SDC2: variants seen among roughly 807,000 people sequenced by gnomAD.
SDC2 encodes syndecan 2, also known as syndecan-2.
In SDC2, 13 loss-of-function variants were observed where a neutral mutation model predicts 22.2. That is an observed-to-expected ratio of 0.59 (90% confidence interval 0.38 to 0.93). The LOEUF is 0.93. Ranked by LOEUF, SDC2 falls within the 40% of genes least tolerant of loss-of-function variation. The pLI is 0.00. For missense variants in SDC2, 235 were observed against 246.8 expected (o/e 0.95, Z 0.32); for synonymous variants, 94 against 92.8 (o/e 1.01, Z -0.07).
chr8:96,605,482 C>T (rs1207760569), intron 3 of SDC2, among the ~76,000 whole-genome samples: 1 of 152,170 alleles, frequency 6.6e-6, no homozygotes, highest in Non-Finnish European at 1.5e-5. Context: ...AAAATCTCAG[C>T]AAAAATACTG....
chr8:96,565,097 T>TTTTTTTTTTTTTTTTG (rs1329448270), intron 1 of SDC2, among the ~76,000 whole-genome samples: 4 of 128,664 alleles, frequency 3.1e-5, no homozygotes, highest in African/African-American at 1.3e-4. Flanking sequence ...TTTTTTTTTT[T>TTTTTTTTTTTTTTTTG]TTGTTGAGAT....
intron 1 of SDC2, among the ~76,000 whole-genome samples, chr8:96,508,391 G>A (rs1434871739): frequency 2.0e-5 from 3 of 151,288 alleles, no homozygotes; most frequent in African/African-American, 4.9e-5. Flanking sequence ...TCCTCAGGAG[G>A]CTGAGGCGGC....
intron 1 of SDC2, among the ~76,000 whole-genome samples, chr8:96,545,959 C>T (rs1044904080): frequency 1.3e-5 from 2 of 152,190 alleles, no homozygotes; most frequent in African/African-American, 4.8e-5. Context: ...CTGCATAATC[C>T]CCTGAGGTGA....
At chr8:96,546,753 G>A (rs1460575779) in intron 1 of SDC2, among the ~76,000 whole-genome samples, 1 of 152,154 alleles carries the variant, frequency 6.6e-6, no homozygotes, top group Admixed American at 6.5e-5. Context: ...GGAGAAAGCG[G>A]GTGTATGAAA....
At chr8:96,518,863 C>T (rs186326855) in intron 1 of SDC2, among the ~76,000 whole-genome samples, 8 of 152,260 alleles carry the variant, frequency 5.3e-5, no homozygotes, top group Non-Finnish European at 1.2e-4. Flanking sequence ...TTTGAACTGA[C>T]GTCTGGCACA....
chr8:96,608,510 A>C, intron 4 of SDC2, 40 bp downstream of exon 4: 1 of 1,573,750 alleles, frequency 6.4e-7, no homozygotes, highest in Non-Finnish European at 8.6e-7. Context: ...GGGTGCCTAC[A>C]TAGGCCTCTG....
chr8:96,583,053 AGT>A (rs1814615463), intron 1 of SDC2, among the ~76,000 whole-genome samples: 1 of 115,416 alleles, frequency 8.7e-6, no homozygotes, highest in Non-Finnish European at 1.7e-5. Flanking sequence ...ATTTTTCTGA[AGT>A]GTGATTTTTT....
chr8:96,580,130 C>T (rs757671462), intron 1 of SDC2, among the ~76,000 whole-genome samples: 7 of 152,214 alleles, frequency 4.6e-5, no homozygotes, highest in Non-Finnish European at 1.0e-4. Context: ...AATGTGACCA[C>T]TTGAACGGAT....
At chr8:96,541,373 G>A (rs866224525) in intron 1 of SDC2, among the ~76,000 whole-genome samples, 5 of 151,888 alleles carry the variant, frequency 3.3e-5, no homozygotes, top group Non-Finnish European at 5.9e-5. Context: ...TGGACATGGC[G>A]GTGTGCACCT....
At chr8:96,603,170 T>C (rs953777506) in intron 3 of SDC2, among the ~76,000 whole-genome samples, 7 of 152,198 alleles carry the variant, frequency 4.6e-5, no homozygotes, top group Non-Finnish European at 1.0e-4. Flanking sequence ...CATCCACTAA[T>C]AGGTAACCCA....
rs139238124 is a variant in SDC2 at position 96,559,788 on chromosome 8, G to C, written c.61-33692G>C. Among the ~76,000 whole-genome samples, 222 of 152,254 alleles carry C rather than the reference G, an allele frequency of 1.5e-3. 5 individuals carry two copies. In the East Asian group the frequency reaches 0.037, roughly 25 times the overall value. ...TCTAACCAAGTGTGGAATCCATCCA[G>C]GAATAGTAAGCCAGCTTTTCTCTTC... On this transcript the variant is annotated intron_variant, in intron 1 of 4. Coordinates refer to ENST00000302190, the MANE Select transcript of SDC2 (RefSeq NM_002998.4).
chr8:96,588,911 A>T (rs762093179), intron 1 of SDC2, among the ~76,000 whole-genome samples: 1 of 152,236 alleles, frequency 6.6e-6, no homozygotes, highest in Non-Finnish European at 1.5e-5. Context: ...AGTTTGAAAC[A>T]TGGTATTTGT....
intron 1 of SDC2, among the ~76,000 whole-genome samples, chr8:96,535,531 G>A (rs962108817): frequency 7.2e-5 from 11 of 152,158 alleles, no homozygotes; most frequent in African/African-American, 2.4e-4. Flanking sequence ...ATTTCCTAAG[G>A]CCCTGTTTTG....
intron 1 of SDC2, among the ~76,000 whole-genome samples, chr8:96,531,301 C>G (rs568693527): frequency 6.6e-6 from 1 of 152,162 alleles, no homozygotes; most frequent in African/African-American, 2.4e-5. Context: ...TTATGTTGTT[C>G]TTACAGTACA....
At chr8:96,600,884 C>A (rs1317963423) in intron 2 of SDC2, among the ~76,000 whole-genome samples, 2 of 151,960 alleles carry the variant, frequency 1.3e-5, no homozygotes, top group Non-Finnish European at 2.9e-5. Flanking sequence ...TGGTAAAAGC[C>A]GATGATGTAA....
intron 1 of SDC2, among the ~76,000 whole-genome samples, chr8:96,568,579 AG>A (rs1398356650): frequency 6.6e-6 from 1 of 152,242 alleles, no homozygotes; most frequent in African/African-American, 2.4e-5. Flanking sequence ...CTTGATTTAT[AG>A]GTAGAAATAA....
Position 96,608,372 on chromosome 8 carries a change from C to G in SDC2, c.344C>G (p.Ser115Cys), listed in dbSNP as rs777002637. 1 of 1,613,746 alleles carries G rather than the reference C, an allele frequency of 6.2e-7. No individual in the cohort carries two copies. Among genetic ancestry groups the G allele is most frequent in the Non-Finnish European group, 8.5e-7 (1 of 1,179,814 alleles). The change falls in exon 4 of 5, where the codon TCT (serine) becomes TGT (cysteine). Residue 115 changes from serine (S) to cysteine (C), a missense_variant. Ser to Cys is a moderately radical substitution (Grantham distance 112, BLOSUM62 -1). Coordinates refer to ENST00000302190, the MANE Select transcript of SDC2 (RefSeq NM_002998.4). Reference sequence around the variant, plus strand: ...ACTGATAAAGAGAAAGTTCACCTCTCTGACTCAGAAAGGAAAATGGACCCA... The same window carrying G: ...ACTGATAAAGAGAAAGTTCACCTCTGTGACTCAGAAAGGAAAATGGACCCA... ...EETDKEKVHL[S>C]DSERKMDPAE...
intron 1 of SDC2, among the ~76,000 whole-genome samples, chr8:96,576,381 T>TG (rs1814498492): frequency 1.1e-5 from 1 of 92,516 alleles, no homozygotes; most frequent in African/African-American, 4.2e-5. Flanking sequence ...TTTGTTTTGT[T>TG]TTGTTTTTTT....
intron 1 of SDC2, among the ~76,000 whole-genome samples, chr8:96,589,021 A>G (rs766325510): frequency 2.6e-5 from 4 of 152,226 alleles, no homozygotes; most frequent in Non-Finnish European, 4.4e-5. Context: ...CAGGTTTGTG[A>G]TGTTTCTGAC....
Sources: allele counts gnomAD v4.1 joint callset (sites outside exome capture counted in the v4.1 genomes callset), GRCh38; gene constraint gnomAD v4.1.1; transcripts MANE v1.5; gene names NCBI Gene and HGNC (gene_info 2026-07-23, HGNC 2026-07-21).